SCHIP1: variants seen among roughly 807,000 people sequenced by gnomAD.
The protein encoded by SCHIP1 is schwannomin interacting protein 1, also known as schwannomin-interacting protein 1.
Under a neutral mutation model 29.7 loss-of-function variants are expected in SCHIP1, and 8 were observed. The ratio of observed to expected loss-of-function variants is 0.27; its 90% CI spans 0.16 to 0.49. The LOEUF is 0.49. Among genes scored for constraint, SCHIP1 ranks in the 20% least tolerant of loss-of-function variants. The probability of loss-of-function intolerance (pLI) is 0.99; values close to 1 mark genes in which losing one functional copy is unlikely to be tolerated. For synonymous variants in SCHIP1, 76 were observed against 94.9 expected, an observed-to-expected ratio of 0.80 and a Z score of 1.16; for missense variants, 193 against 294.6, an observed-to-expected ratio of 0.66 and a Z score of 2.52.
At chr3:159,487,892 A>G in the SCHIP1 span, among the ~76,000 whole-genome samples, 2 of 152,220 alleles carry the variant, frequency 1.3e-5, no homozygotes, top group African/African-American at 2.4e-5. Flanking sequence ...TACAGATGCT[A>G]TTTATGATAA....
At chr3:159,352,048 G>C in the SCHIP1 span, among the ~76,000 whole-genome samples, 1 of 152,148 alleles carries the variant, frequency 6.6e-6, no homozygotes, top group Non-Finnish European at 1.5e-5. Flanking sequence ...AATAAAAGGT[G>C]TTTTTTTGTA....
At chr3:159,497,447 C>T in the SCHIP1 span, among the ~76,000 whole-genome samples, 12 of 151,852 alleles carry the variant, frequency 7.9e-5, no homozygotes, top group East Asian at 2.1e-3. Flanking sequence ...TTTATATGGA[C>T]CATCTCACTT....
At chr3:159,878,306 T>C (rs924309563) in intron 2 of SCHIP1, among the ~76,000 whole-genome samples, 5 of 151,714 alleles carry the variant, frequency 3.3e-5, no homozygotes, top group African/African-American at 1.2e-4. Flanking sequence ...GGTGAAACCC[T>C]GTCTCTACTA....
At chr3:159,275,527 GTC>G in the SCHIP1 span, among the ~76,000 whole-genome samples, 99 of 152,224 alleles carry the variant, frequency 6.5e-4, no homozygotes, top group African/African-American at 2.4e-3. Flanking sequence ...CTTTGTCTCT[GTC>G]TCTCTGAAGG....
the SCHIP1 span, among the ~76,000 whole-genome samples, chr3:159,723,795 C>A: frequency 6.6e-6 from 1 of 152,146 alleles, no homozygotes; most frequent in Non-Finnish European, 1.5e-5. Flanking sequence ...AGAGACCCAG[C>A]AAAAGCAGTA....
chr3:159,832,182 G>A, the SCHIP1 span, among the ~76,000 whole-genome samples: 1 of 151,938 alleles, frequency 6.6e-6, no homozygotes, highest in Non-Finnish European at 1.5e-5. Context: ...CAGCTTTAGG[G>A]ACCAGATCAA....
At chr3:159,289,403 G>A in the SCHIP1 span, among the ~76,000 whole-genome samples, 84 of 110,608 alleles carry the variant, frequency 7.6e-4, no homozygotes, top group African/African-American at 3.0e-3. Flanking sequence ...AACACATAAA[G>A]CTCTTATTTA....
At chr3:159,741,388 G>A in the SCHIP1 span, among the ~76,000 whole-genome samples, 1 of 152,126 alleles carries the variant, frequency 6.6e-6, no homozygotes, top group Non-Finnish European at 1.5e-5. Flanking sequence ...CCACTGACAT[G>A]CACCAGTTTC....
the SCHIP1 span, chr3:159,764,402 A>T: frequency 2.0e-6 from 3 of 1,524,420 alleles, no homozygotes; most frequent in Non-Finnish European, 2.6e-6. The surrounding 1 kb of genome is among the most constrained non-coding windows in gnomAD (Gnocchi z 6.1). Context: ...AGGCTGGAGC[A>T]GGCTTGGCCC....
chr3:159,656,958 A>G, the SCHIP1 span, among the ~76,000 whole-genome samples: 1 of 151,914 alleles, frequency 6.6e-6, no homozygotes, highest in African/African-American at 2.4e-5. Flanking sequence ...CTCAAGTGAC[A>G]TCCAGGGGCA....
chr3:159,536,326 G>T, the SCHIP1 span, among the ~76,000 whole-genome samples: 1 of 152,134 alleles, frequency 6.6e-6, no homozygotes, highest in African/African-American at 2.4e-5. Flanking sequence ...CCTATATGTA[G>T]TGGGGACTGT....
the SCHIP1 span, among the ~76,000 whole-genome samples, chr3:159,611,561 G>C: frequency 1.3e-5 from 2 of 151,560 alleles, no homozygotes; most frequent in African/African-American, 4.9e-5. Context: ...GAGAACATTA[G>C]GACAAATACC....
the SCHIP1 span, among the ~76,000 whole-genome samples, chr3:159,508,426 T>C: frequency 6.6e-6 from 1 of 152,222 alleles, no homozygotes; most frequent in African/African-American, 2.4e-5. Flanking sequence ...AGCTCCTGGA[T>C]TCATTGATTT....
chr3:159,888,330 C>CTG (rs563189428), intron 4 of SCHIP1: 28 of 224,700 alleles, frequency 1.2e-4, no homozygotes, highest in Middle Eastern at 1.7e-3. Flanking sequence ...TGCCATTGAC[C>CTG]TGCTATGAAG....
chr3:159,713,722 C>T, the SCHIP1 span, among the ~76,000 whole-genome samples: 1 of 152,120 alleles, frequency 6.6e-6, no homozygotes, highest in African/African-American at 2.4e-5. Flanking sequence ...GAGAACCTAG[C>T]CAATACATAT....
the SCHIP1 span, among the ~76,000 whole-genome samples, chr3:159,289,013 C>T: frequency 6.6e-6 from 1 of 152,214 alleles, no homozygotes; most frequent in Non-Finnish European, 1.5e-5. Context: ...TTCTTTACCA[C>T]TATTCCATCT....
the SCHIP1 span, among the ~76,000 whole-genome samples, chr3:159,499,306 T>A: frequency 1.3e-5 from 2 of 152,328 alleles, no homozygotes; most frequent in Admixed American, 6.5e-5. Flanking sequence ...TTCTCCCAGC[T>A]GAAAATACTA....
the SCHIP1 span, among the ~76,000 whole-genome samples, chr3:159,798,736 C>A: frequency 6.6e-6 from 1 of 151,964 alleles, no homozygotes; most frequent in Non-Finnish European, 1.5e-5. Flanking sequence ...CCAGACTAGG[C>A]AACAGAGTGA....
chr3:159,523,289 T>C, the SCHIP1 span, among the ~76,000 whole-genome samples: 5 of 152,260 alleles, frequency 3.3e-5, no homozygotes, highest in African/African-American at 1.2e-4. Flanking sequence ...ATAAATGTTA[T>C]AGTTTTAATA....
Sources: gnomAD v4.1 joint callset for allele counts (sites outside exome capture counted in the v4.1 genomes callset) on GRCh38, gnomAD v4.1.1 for gene constraint, Gnocchi (gnomAD v3.1) non-coding constraint, MANE v1.5 for transcripts, NCBI Gene and HGNC (gene_info 2026-07-23, HGNC 2026-07-21) for gene names.